MYO10: variants seen among roughly 807,000 people sequenced by gnomAD.
The protein encoded by MYO10 is unconventional myosin-X.
MYO10 carries 133 observed loss-of-function variants against 257.3 expected under a neutral mutation model. That is an observed-to-expected ratio of 0.52 (90% CI 0.45 to 0.60). The LOEUF is 0.60. Ranked by LOEUF, MYO10 falls within the 20% of genes least tolerant of loss-of-function variation. MYO10 has a pLI of 0.00. For missense variants in MYO10, 2,399 were observed against 2,635.7 expected, an observed-to-expected ratio of 0.91 and a Z score of 1.97; for synonymous variants, 1,104 against 1,028.6, an observed-to-expected ratio of 1.07 and a Z score of -1.40.
At chr5:16,847,512 C>T (rs1189922917) in intron 2 of MYO10, among the ~76,000 whole-genome samples, 2 of 152,026 alleles carry the variant, frequency 1.3e-5, no homozygotes, top group East Asian at 1.9e-4. Flanking sequence ...GCGAGAGGAT[C>T]GCTAGGCCCC....
rs779579710 is a variant in MYO10 at position 16,781,796 on chromosome 5, G to C, written c.636C>G (p.Thr212=). 1.9e-6 allele frequency: 3 copies of C among 1,613,940 alleles called. No homozygotes were observed. The highest frequency in any genetic ancestry group is 4.5e-5 in the East Asian group (2 of 44,884). ...PIMEAFGNAK[T]VYNNNSSRFG... is the part of the protein sequence containing the mutation. ...AGCGACTAGAGTTGTTGTTGTACAC[G>C]GTCTTCGCATTGCCGAAAGCTTCCA... Residue 212 remains threonine, a synonymous_variant, in exon 6 of 41, where the codon ACC becomes ACG. Coordinates refer to ENST00000513610, the MANE Select transcript of MYO10 (RefSeq NM_012334.3).
intron 1 of MYO10, among the ~76,000 whole-genome samples, chr5:16,882,649 C>T (rs1744787389): frequency 3.9e-5 from 6 of 152,062 alleles, no homozygotes; most frequent in Admixed American, 1.3e-4. Context: ...AAGCCAGATA[C>T]AAAAGGCTAC....
At chr5:16,671,242 A>G (rs1361180407) in intron 38 of MYO10, among the ~76,000 whole-genome samples, 180 bp downstream of exon 38, 1 of 152,214 alleles carries the variant, frequency 6.6e-6, no homozygotes, top group African/African-American at 2.4e-5. Flanking sequence ...CGGAGGTTCA[A>G]ATAAAATGTG....
At chr5:16,866,154 T>C (rs971232459) in intron 2 of MYO10, among the ~76,000 whole-genome samples, 15 of 151,654 alleles carry the variant, frequency 9.9e-5, no homozygotes, top group Admixed American at 7.9e-4. Flanking sequence ...CCGAAGAAAC[T>C]AGTAATAGCA....
intron 1 of MYO10, among the ~76,000 whole-genome samples, chr5:16,931,556 C>A (rs552953098): frequency 3.9e-5 from 6 of 152,130 alleles, no homozygotes; most frequent in Non-Finnish European, 7.4e-5. Flanking sequence ...CCCAGCCAGA[C>A]AGCTTATTGC....
At chr5:16,764,218 G>T in intron 12 of MYO10, 32 bp downstream of exon 12, 1 of 1,610,510 alleles carries the variant, frequency 6.2e-7, no homozygotes, top group Non-Finnish European at 8.5e-7. Flanking sequence ...GGACAGAAGA[G>T]AATTCACGTG....
chr5:16,711,434 T>C (rs1738614022), intron 19 of MYO10, among the ~76,000 whole-genome samples, 189 bp from the exon 20 acceptor site: 2 of 152,096 alleles, frequency 1.3e-5, no homozygotes, highest in Non-Finnish European at 2.9e-5. Context: ...TTAACAACCG[T>C]CAACCCCTGC....
chr5:16,669,057 G>T (rs905602930), intron 39 of MYO10, among the ~76,000 whole-genome samples: 1 of 152,132 alleles, frequency 6.6e-6, no homozygotes, highest in Middle Eastern at 3.4e-3. Context: ...ATTGGTGGAA[G>T]AAAATAAGAC....
intron 1 of MYO10, among the ~76,000 whole-genome samples, chr5:16,891,719 G>T (rs938536955): frequency 6.6e-6 from 1 of 152,048 alleles, no homozygotes; most frequent in African/African-American, 2.4e-5. Flanking sequence ...TTCACTCCCT[G>T]GAATCCGTTA....
intron 26 of MYO10, among the ~76,000 whole-genome samples, chr5:16,697,930 G>GGAC (rs1455169327): frequency 2.6e-5 from 4 of 152,172 alleles, no homozygotes; most frequent in Non-Finnish European, 5.9e-5. Context: ...GCGAGAAACA[G>GGAC]GACGGTCCCT....
intron 11 of MYO10, among the ~76,000 whole-genome samples, chr5:16,764,881 G>T (rs1740820315): frequency 6.6e-6 from 1 of 152,004 alleles, no homozygotes; most frequent in Admixed American, 6.6e-5. Context: ...TAGAGATGGG[G>T]TTTCTCCATG....
At chr5:16,800,875 T>C (rs1742100804) in intron 3 of MYO10, among the ~76,000 whole-genome samples, 1 of 152,084 alleles carries the variant, frequency 6.6e-6, no homozygotes, top group African/African-American at 2.4e-5. Context: ...TAACAGAAGA[T>C]ACCAAGCCAG....
chr5:16,919,437 G>A (rs1165597634), intron 1 of MYO10, among the ~76,000 whole-genome samples: 3 of 151,778 alleles, frequency 2.0e-5, no homozygotes, highest in Non-Finnish European at 4.4e-5. Flanking sequence ...CCCTCCAAAT[G>A]AGTTCATGGA....
At chr5:16,735,694 A>AG (rs1739767517) in intron 19 of MYO10, among the ~76,000 whole-genome samples, 1 of 147,076 alleles carries the variant, frequency 6.8e-6, no homozygotes, top group Non-Finnish European at 1.5e-5. Context: ...GGAAAAAAAA[A>AG]AAAAAAAAAC....
chr5:16,877,211 G>A (rs143219015), intron 2 of MYO10, among the ~76,000 whole-genome samples: 3 of 152,288 alleles, frequency 2.0e-5, no homozygotes, highest in East Asian at 3.9e-4. Flanking sequence ...AAGACACTAC[G>A]AAAGTTTAAG....
chr5:16,780,780 A>C (rs1255003789), intron 6 of MYO10, 39 bp from the exon 7 acceptor site: 3 of 1,554,052 alleles, frequency 1.9e-6, no homozygotes, highest in Non-Finnish European at 2.6e-6. Context: ...GGAAAAAAAC[A>C]AAGCTATGTG....
intron 35 of MYO10, 97 bp downstream of exon 35, chr5:16,674,756 T>C: frequency 7.2e-7 from 1 of 1,384,640 alleles, no homozygotes; most frequent in Non-Finnish European, 1.0e-6. Flanking sequence ...ACTAGAGGTG[T>C]CTTCTGTTCA....
chr5:16,830,235 CA>C lies in MYO10; in HGVS notation c.121-12069del, dbSNP rs534014625. Among the ~76,000 whole-genome samples, 105 of 136,196 alleles carry C rather than the reference CA, an allele frequency of 7.7e-4. 1 individual carries two copies. Among genetic ancestry groups the C allele is most frequent in the East Asian group, 3.4e-3 (16 of 4,710 alleles). 89.3% of individuals were successfully genotyped at this position (136,196 alleles called of 152,430 possible). ...TGGGCGACAGAGGGAGACTCCATCT[CA>C]AAAAAAAAAAGGGAAAACCAGACCT... On this transcript the variant is annotated intron_variant, in intron 2 of 40. Coordinates refer to ENST00000513610, the MANE Select transcript of MYO10 (RefSeq NM_012334.3).
At chr5:16,687,119 TGA>T (rs146859878) in intron 28 of MYO10, among the ~76,000 whole-genome samples, 2,067 of 151,958 alleles carry the variant, frequency 0.014, 50 homozygotes, top group African/African-American at 0.047. Flanking sequence ...CCCAGGAATT[TGA>T]GACCAGCCTG....
Sources: gnomAD v4.1 joint callset for allele counts (sites outside exome capture counted in the v4.1 genomes callset) on GRCh38, gnomAD v4.1.1 for gene constraint, MANE v1.5 for transcripts, NCBI Gene and HGNC (gene_info 2026-07-23, HGNC 2026-07-21) for gene names.